CACNB4: variants seen among roughly 807,000 people sequenced by gnomAD.
CACNB4 encodes the protein calcium voltage-gated channel auxiliary subunit beta 4.
Under a neutral mutation model 71.2 loss-of-function variants are expected in CACNB4, and 32 were observed. That is an observed-to-expected ratio of 0.45 (90% CI 0.34 to 0.60). CACNB4 has a LOEUF of 0.60. CACNB4 is among the 20% of genes least tolerant of loss of function. The probability of loss-of-function intolerance (pLI) is 0.01; values close to 1 mark genes in which losing one functional copy is unlikely to be tolerated. For synonymous variants in CACNB4, 231 were observed against 236.9 expected, an observed-to-expected ratio of 0.97 and a Z score of 0.23; for missense variants, 464 against 647.9, an observed-to-expected ratio of 0.72 and a Z score of 3.08.
In CACNB4 at chr2:151,836,177, A is replaced by T. The variant is rs185672291; in HGVS notation, c.*2942T>A. The stretch of plus-strand genomic sequence containing the variant: ...TTTTTTTCCAGAACTACATTTCCAC[A>T]TTGTCACATGAGTCCACATTATTAT... On this transcript the variant is annotated 3_prime_UTR_variant, in exon 14 of 14. Coordinates refer to ENST00000539935, the MANE Select transcript of CACNB4 (RefSeq NM_000726.5). 1 of 151,962 alleles carries T rather than the reference A, an allele frequency of 6.6e-6. No homozygotes were observed. The highest frequency in any genetic ancestry group is 6.5e-5 in the Admixed American group (1 of 15,268). 9.4% of individuals were successfully genotyped at this position (151,962 alleles called of 1,614,324 possible).
chr2:151,858,937 A>G (rs530947122), intron 10 of CACNB4: 1 of 152,306 alleles, frequency 6.6e-6, no homozygotes, highest in East Asian at 1.9e-4. Context: ...TGTCACAGGT[A>G]TTCTAACCAT....
intron 2 of CACNB4, among the ~76,000 whole-genome samples, chr2:152,049,170 T>A (rs547819212): frequency 0.015 from 2,313 of 150,362 alleles, 59 homozygotes; most frequent in African/African-American, 0.055. Context: ...TTTTTTTTTT[T>A]TAAACTTTTT....
At chr2:152,091,865 C>T (rs1687991047) in intron 2 of CACNB4, among the ~76,000 whole-genome samples, 1 of 152,158 alleles carries the variant, frequency 6.6e-6, no homozygotes, top group Admixed American at 6.5e-5. Flanking sequence ...ACCAAGCAAA[C>T]AAAAATTCCA....
chr2:152,064,592 A>T (rs1686198862), intron 2 of CACNB4, among the ~76,000 whole-genome samples: 1 of 152,180 alleles, frequency 6.6e-6, no homozygotes, highest in Non-Finnish European at 1.5e-5. Flanking sequence ...CATGTTGGCC[A>T]GGCTAGTCTC....
At chr2:151,861,055 T>C (rs1401666404) in intron 9 of CACNB4, 1 of 507,212 alleles carries the variant, frequency 2.0e-6, no homozygotes, top group African/African-American at 2.0e-5. Flanking sequence ...CCAGTAAAAA[T>C]GTTCTTCCTC....
At chr2:151,977,644 A>C (rs2099874056) in intron 2 of CACNB4, among the ~76,000 whole-genome samples, 1 of 152,230 alleles carries the variant, frequency 6.6e-6, no homozygotes, top group Non-Finnish European at 1.5e-5. Context: ...TAGCTATGAG[A>C]TTTAAATAGC....
At chr2:152,036,121 A>C (rs1684577832) in intron 2 of CACNB4, among the ~76,000 whole-genome samples, 1 of 152,146 alleles carries the variant, frequency 6.6e-6, no homozygotes, top group African/African-American at 2.4e-5. Context: ...AAACTCTTAG[A>C]AGTAGAAAAT....
chr2:152,064,970 C>T (rs1017679199), intron 2 of CACNB4, among the ~76,000 whole-genome samples: 1 of 152,176 alleles, frequency 6.6e-6, no homozygotes, highest in Non-Finnish European at 1.5e-5. Context: ...CACAGCAGCG[C>T]TCCTATGAAA....
At chr2:151,910,844 T>C (rs926292152) in intron 2 of CACNB4, among the ~76,000 whole-genome samples, 3 of 152,232 alleles carry the variant, frequency 2.0e-5, no homozygotes, top group African/African-American at 4.8e-5. Flanking sequence ...TGAATGTCAA[T>C]GGTAGTTTGA....
intron 6 of CACNB4, 53 bp downstream of exon 6, chr2:151,872,364 A>G (rs2099844860): frequency 9.7e-7 from 1 of 1,029,970 alleles, no homozygotes; most frequent in East Asian, 2.5e-5. Context: ...GTGTGTTCAA[A>G]TATTTTTAAA....
At chr2:151,875,355 T>C (rs1383770853) in intron 5 of CACNB4, among the ~76,000 whole-genome samples, 3 of 149,840 alleles carry the variant, frequency 2.0e-5, no homozygotes, top group Non-Finnish European at 3.0e-5. Flanking sequence ...GAATTTTTCT[T>C]AGTACAGAAC....
intron 2 of CACNB4, among the ~76,000 whole-genome samples, chr2:151,921,521 G>GC (rs2099859020): frequency 6.6e-6 from 1 of 152,124 alleles, no homozygotes; most frequent in African/African-American, 2.4e-5. Context: ...TATCTCACTG[G>GC]CCTAAAATCA....
intron 2 of CACNB4, among the ~76,000 whole-genome samples, chr2:151,897,939 G>T (rs1173305920): frequency 6.6e-6 from 1 of 152,116 alleles, no homozygotes; most frequent in East Asian, 1.9e-4. Flanking sequence ...TTTTGGGTGA[G>T]GCCAATTTGC....
chr2:151,954,497 T>C (rs188163829), intron 2 of CACNB4, among the ~76,000 whole-genome samples: 4 of 152,336 alleles, frequency 2.6e-5, no homozygotes, highest in Admixed American at 2.0e-4. Context: ...ATTGTACCTT[T>C]ATGTGTCTGA....
At chr2:151,904,635 A>G (rs1385563241) in intron 2 of CACNB4, among the ~76,000 whole-genome samples, 1 of 151,796 alleles carries the variant, frequency 6.6e-6, no homozygotes, top group East Asian at 1.9e-4. Context: ...CCTGGGTTCA[A>G]GCAATTCTCC....
chr2:151,851,216 C>A (rs1168703905), intron 12 of CACNB4: 1 of 152,184 alleles, frequency 6.6e-6, no homozygotes, highest in Non-Finnish European at 1.5e-5. Flanking sequence ...AAGGTTACTA[C>A]TGGTTTTTAT....
At chr2:152,043,545 C>A (rs1684983630) in intron 2 of CACNB4, among the ~76,000 whole-genome samples, 1 of 152,138 alleles carries the variant, frequency 6.6e-6, no homozygotes, top group Non-Finnish European at 1.5e-5. Context: ...GTCTCAAACT[C>A]CTGGTCTCAA....
At chr2:151,941,975 G>A (rs2099864377) in intron 2 of CACNB4, among the ~76,000 whole-genome samples, 2 of 152,220 alleles carry the variant, frequency 1.3e-5, no homozygotes, top group Admixed American at 6.5e-5. Flanking sequence ...CTAACATGGA[G>A]GGGATGCTAG....
intron 2 of CACNB4, among the ~76,000 whole-genome samples, chr2:151,896,434 C>T (rs930205913): frequency 6.6e-5 from 10 of 152,202 alleles, no homozygotes; most frequent in Admixed American, 3.3e-4. Context: ...TATGCCTACC[C>T]CTAGCTTCCT....
Sources: gnomAD v4.1 joint callset for allele counts (sites outside exome capture counted in the v4.1 genomes callset) on GRCh38, gnomAD v4.1.1 for gene constraint, MANE v1.5 for transcripts, NCBI Gene and HGNC (gene_info 2026-07-23, HGNC 2026-07-21) for gene names.